The following MAP2K5 variants were observed in gnomAD, a reference collection of about 807,000 sequenced individuals.
The protein encoded by MAP2K5 is dual specificity mitogen-activated protein kinase kinase 5.
In MAP2K5, 49 loss-of-function variants were observed where a neutral mutation model predicts 83.1. The ratio of observed to expected loss-of-function variants is 0.59; its 90% CI spans 0.47 to 0.75. The LOEUF (loss-of-function observed/expected upper bound fraction) is 0.75. MAP2K5 is among the 30% of genes least tolerant of loss of function. The pLI, the probability that MAP2K5 is intolerant of heterozygous loss-of-function variation, is 0.00. For synonymous variants in MAP2K5, 202 were observed against 191.8 expected (o/e 1.05, Z -0.44); for missense variants, 457 against 557.5 (o/e 0.82, Z 1.82).
intron 3 of MAP2K5, among the ~76,000 whole-genome samples, chr15:67,575,471 T>C (rs2140985203): frequency 6.6e-6 from 1 of 152,248 alleles, no homozygotes; most frequent in Middle Eastern, 3.4e-3. Flanking sequence ...TTCGCCAGCC[T>C]CTGAAAGATC....
intron 3 of MAP2K5, among the ~76,000 whole-genome samples, chr15:67,568,662 A>G (rs547683130): frequency 2.1e-4 from 32 of 152,240 alleles, no homozygotes; most frequent in African/African-American, 7.2e-4. Flanking sequence ...TGTAAAAAAT[A>G]ATACTTATTA....
At chr15:67,617,631 G>T (rs1230150757) in intron 8 of MAP2K5, among the ~76,000 whole-genome samples, 1 of 152,110 alleles carries the variant, frequency 6.6e-6, no homozygotes, top group East Asian at 1.9e-4. Context: ...AACACAGGTT[G>T]TTTCTCCCTT....
intron 13 of MAP2K5, among the ~76,000 whole-genome samples, chr15:67,675,166 A>G (rs1345327428): frequency 6.6e-6 from 1 of 152,218 alleles, no homozygotes; most frequent in Non-Finnish European, 1.5e-5. Context: ...TTGCAGCTCT[A>G]TTCATCATAG....
chr15:67,693,183 C>A (rs1370514878), intron 14 of MAP2K5, among the ~76,000 whole-genome samples: 1 of 152,190 alleles, frequency 6.6e-6, no homozygotes, highest in Non-Finnish European at 1.5e-5. Context: ...CTTGAGCCAT[C>A]TGACTAAAAA....
rs2086691545 is a variant in MAP2K5 at position 67,640,647 on chromosome 15, T to C, written c.586-5584T>C. 1.1e-6 allele frequency: 1 copy of C among 928,476 alleles called. No individual in the cohort carries two copies. Among genetic ancestry groups the C allele is most frequent in the South Asian group, 5.0e-5 (1 of 20,122 alleles). The allele number at this position is 928,476 out of a possible 1,614,324, so 57.5% of individuals were successfully genotyped here. A position where few individuals can be genotyped will look rare whatever the true frequency, so the allele number is the denominator to read the frequency against. ...TGGTCAGTTGGACCCACACTTTGAA[T>C]GTCTATGGGCACAATTAGATGAGTC... On this transcript the variant is annotated intron_variant, in intron 9 of 21. Transcript: ENST00000178640. This position sits in a 1 kb window ranked among gnomAD's most constrained non-coding sequence, Gnocchi z 4.6.
chr15:67,575,372 C>T (rs1363652771), intron 3 of MAP2K5, among the ~76,000 whole-genome samples: 3 of 88,564 alleles, frequency 3.4e-5, no homozygotes, highest in South Asian at 4.3e-4. Flanking sequence ...GGTGGCGGGG[C>T]GGGGGAGGGC....
intron 3 of MAP2K5, among the ~76,000 whole-genome samples, chr15:67,567,283 G>C (rs182021991): frequency 9.1e-4 from 137 of 150,376 alleles, no homozygotes; most frequent in Admixed American, 2.4e-3. Context: ...AAGTTATGTT[G>C]TTAGAATATT....
chr15:67,612,988 G>T (rs1261682375), intron 8 of MAP2K5, among the ~76,000 whole-genome samples: 1 of 45,312 alleles, frequency 2.2e-5, no homozygotes, highest in East Asian at 5.3e-4. Context: ...TGTTCATTTA[G>T]CTGATAGTTA....
chr15:67,644,495 G>C lies in MAP2K5; in HGVS notation c.586-1736G>C, dbSNP rs2086787362. 6.6e-6 allele frequency among the ~76,000 whole-genome samples: 1 copy of C among 152,010 alleles called. No individual in the cohort carries two copies. Among genetic ancestry groups the C allele is most frequent in the Non-Finnish European group, 1.5e-5 (1 of 68,020 alleles). The stretch of plus-strand genomic sequence containing the variant: ...ATGGTCTTCTTTCTTAAAAAAATAT[G>C]TGTTTGAAATAAACTAGAATTTATT... On this transcript the variant is annotated intron_variant, in intron 9 of 21. Coordinates refer to ENST00000178640, the MANE Select transcript of MAP2K5 (RefSeq NM_145160.3). The surrounding 1 kb of genome is among the most constrained non-coding windows in gnomAD (Gnocchi z 4.6).
intron 9 of MAP2K5, among the ~76,000 whole-genome samples, chr15:67,639,658 A>G (rs935479221): frequency 6.6e-6 from 1 of 152,164 alleles, no homozygotes; most frequent in Non-Finnish European, 1.5e-5. Flanking sequence ...CTTCCCAGAT[A>G]AACTAAAGAC....
intron 1 of MAP2K5, among the ~76,000 whole-genome samples, chr15:67,544,766 GT>G (rs533854620): frequency 2.4e-4 from 37 of 152,338 alleles, no homozygotes; most frequent in Admixed American, 1.2e-3. Flanking sequence ...ATTTTTCATT[GT>G]CTTGGGTAAC....
chr15:67,578,331 G>A (rs1001748785), intron 3 of MAP2K5, among the ~76,000 whole-genome samples: 4 of 152,172 alleles, frequency 2.6e-5, no homozygotes, highest in African/African-American at 4.8e-5. Flanking sequence ...GGAATGCTCC[G>A]TAGGCAGTAG....
chr15:67,545,199 C>T (rs965946342), intron 1 of MAP2K5, among the ~76,000 whole-genome samples: 1 of 152,204 alleles, frequency 6.6e-6, no homozygotes, highest in Non-Finnish European at 1.5e-5. Flanking sequence ...ATGTGCCCCA[C>T]CTCTGTGTCG....
intron 8 of MAP2K5, among the ~76,000 whole-genome samples, chr15:67,617,328 T>C (rs1053711084): frequency 6.6e-6 from 1 of 152,334 alleles, no homozygotes. Flanking sequence ...CTGCTCATAA[T>C]TTAAAATAAT....
rs2084327168 is a variant in MAP2K5 at position 67,543,135 on chromosome 15, C to A, written c.-201C>A. 1 of 597,032 alleles carries A rather than the reference C, an allele frequency of 1.7e-6. No homozygotes were observed. The highest frequency in any genetic ancestry group is 2.8e-5 in the East Asian group (1 of 35,672). 37.0% of individuals were successfully genotyped at this position (597,032 alleles called of 1,614,324 possible). A position where few individuals can be genotyped will look rare whatever the true frequency, so the allele number is the denominator to read the frequency against. Reference sequence around the variant, plus strand: ...ACCCTCCCCGGGAGACACCTCAGACCCCCGACAGCCTGGGCAGGCTCGGTG... The same window carrying A: ...ACCCTCCCCGGGAGACACCTCAGACACCCGACAGCCTGGGCAGGCTCGGTG... On this transcript the variant is annotated 5_prime_UTR_variant, in exon 1 of 22. Transcript: ENST00000178640. The surrounding 1 kb of genome is among the most constrained non-coding windows in gnomAD (Gnocchi z 4.3).
intron 8 of MAP2K5, among the ~76,000 whole-genome samples, chr15:67,617,783 C>T (rs2086087519): frequency 6.6e-6 from 1 of 152,120 alleles, no homozygotes; most frequent in Non-Finnish European, 1.5e-5. Flanking sequence ...CATCAACCTC[C>T]CAGGCTCAAG....
Position 67,768,885 on chromosome 15 carries a change from T to C in MAP2K5, c.1135-717T>C, listed in dbSNP as rs1286017664. 1.3e-5 allele frequency among the ~76,000 whole-genome samples: 2 copies of C among 152,232 alleles called. No individual in the cohort carries two copies. The highest frequency in any genetic ancestry group is 2.9e-5 in the Non-Finnish European group (2 of 68,038). The stretch of plus-strand genomic sequence containing the variant: ...CTTTGCAAACGGTAATGGGGTTTGC[T>C]CTTTGTATTATGTGGTGGTGGTTGT... On this transcript the variant is annotated intron_variant, in intron 19 of 21. Coordinates refer to ENST00000178640, the MANE Select transcript of MAP2K5 (RefSeq NM_145160.3). This position sits in a 1 kb window ranked among gnomAD's most constrained non-coding sequence, Gnocchi z 4.0.
intron 8 of MAP2K5, among the ~76,000 whole-genome samples, chr15:67,609,093 G>T (rs2085848612): frequency 6.6e-6 from 1 of 152,150 alleles, no homozygotes. Flanking sequence ...GCTGAGAAAA[G>T]AATTCCCACT....
intron 15 of MAP2K5, among the ~76,000 whole-genome samples, chr15:67,696,050 T>A (rs1384038071): frequency 6.6e-6 from 1 of 150,974 alleles, no homozygotes; most frequent in East Asian, 1.9e-4. Context: ...GAGGTGGAAA[T>A]AACCTATATT....
Sources: allele counts gnomAD v4.1 joint callset (sites outside exome capture counted in the v4.1 genomes callset), GRCh38; gene constraint gnomAD v4.1.1; non-coding constraint Gnocchi (gnomAD v3.1); transcripts MANE v1.5; gene names NCBI Gene and HGNC (gene_info 2026-07-23, HGNC 2026-07-21).